The following TRIM34 variants were observed in gnomAD, a reference collection of about 807,000 sequenced individuals.
TRIM34 encodes the protein tripartite motif containing 34, also known as E3 ubiquitin-protein ligase TRIM34.
Under a neutral mutation model 38.1 loss-of-function variants are expected in TRIM34, and 41 were observed. The observed-to-expected ratio is 1.08, with a 90% CI of 0.84 to 1.40. The LOEUF is 1.40. Ranked by LOEUF, TRIM34 falls within the 40% of genes most tolerant of loss-of-function variation. TRIM34 has a pLI of 0.00. For missense variants in TRIM34, 556 were observed against 571.4 expected, an observed-to-expected ratio of 0.97 and a Z score of 0.27; for synonymous variants, 200 against 202.5, an observed-to-expected ratio of 0.99 and a Z score of 0.10.
chr11:5,643,369 A>G lies in TRIM34; in HGVS notation c.1127A>G (p.Tyr376Cys). The G allele has an allele frequency of 1.9e-6, 3 of 1,614,106 alleles. No homozygotes were observed. Among genetic ancestry groups the G allele is most frequent in the Non-Finnish European group, 2.5e-6 (3 of 1,179,982 alleles). The change falls in exon 8 of 8, where the codon TAT becomes TGT. Residue 376 changes from tyrosine (Y) to cysteine (C), a missense_variant. Transcript: ENST00000429814. ...AGAACATATTCCCGCCATATGAAGT[A>G]TGTTGTTAGAAGATGTGCAAATCGT... is the stretch of plus-strand genomic sequence containing the variant. Reference protein sequence around the residue: ...YCRTYSRHMKYVVRRCANRQN... With the variant: ...YCRTYSRHMKCVVRRCANRQN...
At chr11:5,642,870 C>G in intron 7 of TRIM34, 27 bp downstream of exon 7, 2 of 1,613,540 alleles carry the variant, frequency 1.2e-6, no homozygotes, top group Admixed American at 1.7e-5. Context: ...CTTTAAATAA[C>G]TGTTTTCCAA....
chr11:5,637,260 T>C (rs1849786091), intron 4 of TRIM34, among the ~76,000 whole-genome samples: 1 of 152,220 alleles, frequency 6.6e-6, no homozygotes, highest in Non-Finnish European at 1.5e-5. Flanking sequence ...TTTCTTTCTA[T>C]ATGGATTCTC....
chr11:5,623,151 A>T (rs1849054947), upstream of TRIM34, among the ~76,000 whole-genome samples: 1 of 136,624 alleles, frequency 7.3e-6, no homozygotes, highest in African/African-American at 2.7e-5. Flanking sequence ...CTTTTTTTGG[A>T]ATAGAATGGG....
upstream of TRIM34, among the ~76,000 whole-genome samples, chr11:5,622,242 G>C (rs1366013210): frequency 1.3e-5 from 2 of 152,084 alleles, no homozygotes; most frequent in Non-Finnish European, 2.9e-5. Context: ...TCAAGAGTTT[G>C]AGACCATCCT....
chr11:5,643,276 C>T lies in TRIM34; in HGVS notation c.1034C>T (p.Ser345Phe), dbSNP rs773243395. ...GGTGTCTTGGGATCCCAATATTTCT[C>T]CTCTGGGAAACATTACTGGGAAGTG... is the stretch of plus-strand genomic sequence containing the variant. Reference protein sequence around the residue: ...NYGVLGSQYFSSGKHYWEVDV... With the variant: ...NYGVLGSQYFFSGKHYWEVDV... Residue 345 changes from serine (S) to phenylalanine (F), a missense_variant, in exon 8 of 8, where the codon TCC (serine) becomes TTC (phenylalanine). By Grantham distance (155) the Ser-to-Phe change is radical. Coordinates refer to ENST00000429814, the MANE Select transcript of TRIM34 (RefSeq NM_021616.6). 2 of 1,614,026 alleles carry T rather than the reference C, an allele frequency of 1.2e-6. No homozygotes were observed. The highest frequency in any genetic ancestry group is 4.5e-5 in the East Asian group (2 of 44,882).
intron 1 of TRIM34, among the ~76,000 whole-genome samples, chr11:5,630,702 C>T (rs555476596): frequency 6.6e-6 from 1 of 152,308 alleles, no homozygotes; most frequent in East Asian, 1.9e-4. Flanking sequence ...GGATAGTTCT[C>T]TATTTAGCAC....
Position 5,642,423 on chromosome 11 carries a change from T to C in TRIM34, c.791T>C (p.Leu264Pro), listed in dbSNP as rs1850052831. The change falls in exon 6 of 8, where the codon CTG (leucine) becomes CCG (proline). Residue 264 changes from leucine (L) to proline (P), a missense_variant. Leu to Pro is a moderately conservative substitution (Grantham distance 98). Transcript: ENST00000429814. ...GIMKWSEIWR[L>P]KKPKMVSKKL... ...ATCCCTAGGAGTGAGATCTGGAGGC[T>C]GAAAAAGCCAAAAATGGTTTCCAAG... The C allele has an allele frequency of 6.2e-7, 1 of 1,613,032 alleles. No homozygotes were observed.
chr11:5,629,836 T>C (rs915070394), intron 1 of TRIM34, among the ~76,000 whole-genome samples: 2 of 152,070 alleles, frequency 1.3e-5, no homozygotes, highest in Admixed American at 6.5e-5. Context: ...GCCTCCCGAG[T>C]AGCTGGGACT....
chr11:5,638,642 G>A (rs1849849006), intron 4 of TRIM34, among the ~76,000 whole-genome samples: 1 of 152,224 alleles, frequency 6.6e-6, no homozygotes, highest in African/African-American at 2.4e-5. Context: ...GGGACTGAGT[G>A]AATATTGATA....
upstream of TRIM34, among the ~76,000 whole-genome samples, chr11:5,622,968 C>T (rs1327392521): frequency 6.6e-6 from 1 of 152,218 alleles, no homozygotes; most frequent in Non-Finnish European, 1.5e-5. Flanking sequence ...GGCGGGACAG[C>T]TGAGTCCGGA....
At chr11:5,635,250 GTTAATT>G (rs1246249653) in intron 4 of TRIM34, among the ~76,000 whole-genome samples, 1 of 137,178 alleles carries the variant, frequency 7.3e-6, no homozygotes, top group East Asian at 2.1e-4. Context: ...AATGTTCCCT[GTTAATT>G]TTTTTTTTTT....
chr11:5,627,755 G>A (rs1849308537), intron 1 of TRIM34, among the ~76,000 whole-genome samples: 1 of 152,182 alleles, frequency 6.6e-6, no homozygotes, highest in Non-Finnish European at 1.5e-5. Flanking sequence ...GTCTCTGGAT[G>A]TCAAAACAGG....
intron 7 of TRIM34, 96 bp from the exon 8 acceptor site, chr11:5,643,048 C>CCA: frequency 7.8e-7 from 1 of 1,283,390 alleles, no homozygotes. Context: ...CACCATGTCA[C>CCA]TAGATAAACC....
intron 3 of TRIM34, 117 bp from the exon 4 acceptor site, chr11:5,634,513 AC>A: frequency 1.9e-6 from 1 of 532,732 alleles, no homozygotes; most frequent in Non-Finnish European, 2.9e-6. Context: ...ACACACACAC[AC>A]ACACACACAC....
chr11:5,623,105 CTTTTTTTTTTTT>C (rs11301714), upstream of TRIM34, among the ~76,000 whole-genome samples: 1 of 106,838 alleles, frequency 9.4e-6, no homozygotes, highest in Non-Finnish European at 1.9e-5. Context: ...CTGTCTGGAG[CTTTTTTTTTTTT>C]TTTTTTTTTA....
intron 5 of TRIM34, among the ~76,000 whole-genome samples, chr11:5,642,018 C>T (rs1266642393): frequency 6.6e-6 from 1 of 152,130 alleles, no homozygotes; most frequent in East Asian, 1.9e-4. Context: ...ATCTCTGGCC[C>T]CTCCCAGAAG....
chr11:5,639,188 T>G (rs914043206), intron 4 of TRIM34, among the ~76,000 whole-genome samples: 1 of 152,182 alleles, frequency 6.6e-6, no homozygotes, highest in Non-Finnish European at 1.5e-5. Flanking sequence ...TGGTACTCAC[T>G]CAGGCACCAG....
intron 1 of TRIM34, among the ~76,000 whole-genome samples, chr11:5,627,670 A>G (rs1462922795): frequency 6.6e-6 from 1 of 152,152 alleles, no homozygotes; most frequent in Non-Finnish European, 1.5e-5. Flanking sequence ...CCTGGACTCT[A>G]AGGAGTAGCT....
chr11:5,642,249 T>C (rs1041075836), intron 5 of TRIM34, among the ~76,000 whole-genome samples, 157 bp from the exon 6 acceptor site: 1 of 152,152 alleles, frequency 6.6e-6, no homozygotes, highest in African/African-American at 2.4e-5. Flanking sequence ...TCACATTTCT[T>C]CTGGATCCAG....
Sources: allele counts gnomAD v4.1 joint callset (sites outside exome capture counted in the v4.1 genomes callset), GRCh38; gene constraint gnomAD v4.1.1; transcripts MANE v1.5; gene names NCBI Gene and HGNC (gene_info 2026-07-23, HGNC 2026-07-21).